GNB1L: variants seen among roughly 807,000 people sequenced by gnomAD.
GNB1L encodes the protein G protein subunit beta 1 like.
In GNB1L, 20 loss-of-function variants were observed where a neutral mutation model predicts 29.1. The ratio of observed to expected loss-of-function variants is 0.69; its 90% confidence interval spans 0.48 to 1.00. The LOEUF is 1.00. Ranked by LOEUF, GNB1L falls within the 50% of genes least tolerant of loss-of-function variation. The pLI, the probability that GNB1L is intolerant of heterozygous loss-of-function variation, is 0.00. For missense variants in GNB1L, 421 were observed against 464.9 expected, an observed-to-expected ratio of 0.91 and a Z score of 0.87; for synonymous variants, 193 against 206.5, an observed-to-expected ratio of 0.93 and a Z score of 0.56.
chr22:19,793,879 C>CA (rs1601319006), intron 7 of GNB1L, among the ~76,000 whole-genome samples: 1 of 151,940 alleles, frequency 6.6e-6, no homozygotes, highest in East Asian at 1.9e-4. Flanking sequence ...AATTGCACTA[C>CA]AAAAAAATGT....
intron 2 of GNB1L, chr22:19,852,152 ACC>A: frequency 6.2e-7 from 1 of 1,614,056 alleles, no homozygotes; most frequent in Non-Finnish European, 8.5e-7. Context: ...GGTGTATGCC[ACC>A]CCAGGAGACG....
chr22:19,821,409 G>A (rs1355571653), intron 2 of GNB1L, 34 bp from the exon 3 acceptor site: 22 of 1,592,198 alleles, frequency 1.4e-5, no homozygotes, highest in South Asian at 3.3e-5. Flanking sequence ...GAGTGACTGC[G>A]TCCCTATTCT....
chr22:19,812,200 G>T, intron 5 of GNB1L, 85 bp downstream of exon 5: 1 of 1,406,656 alleles, frequency 7.1e-7, no homozygotes, highest in Non-Finnish European at 9.6e-7. Flanking sequence ...AGTCCTGTGG[G>T]TAGGCGCAGG....
At chr22:19,800,196 C>T (rs1435748958) in intron 7 of GNB1L, among the ~76,000 whole-genome samples, 1 of 152,238 alleles carries the variant, frequency 6.6e-6, no homozygotes, top group Non-Finnish European at 1.5e-5. Flanking sequence ...CTGGAACATG[C>T]CCCATAAATT....
At chr22:19,837,763 G>T (rs1234904782) in intron 2 of GNB1L, among the ~76,000 whole-genome samples, 1 of 152,194 alleles carries the variant, frequency 6.6e-6, no homozygotes, top group Non-Finnish European at 1.5e-5. Context: ...TCCACACCTG[G>T]ATATATCCAT....
At chr22:19,795,870 G>A (rs1306509569) in intron 7 of GNB1L, among the ~76,000 whole-genome samples, 1 of 152,158 alleles carries the variant, frequency 6.6e-6, no homozygotes. Context: ...GAGGCCACCA[G>A]CACAGCCACC....
Position 19,788,854 on chromosome 22 carries a change from A to C in GNB1L, c.839T>G (p.Phe280Cys). 1 of 1,612,866 alleles carries C rather than the reference A, an allele frequency of 6.2e-7. No individual in the cohort carries two copies. The highest frequency in any genetic ancestry group is 8.5e-7 in the Non-Finnish European group (1 of 1,179,952). The stretch of plus-strand genomic sequence containing the variant: ...CAGTGGCTGCATCGTCCGCCAGTGG[A>C]ACACGCGGATGCGGTGGTCCCAGCC... ...TAGWDHRIRV[F>C]HWRTMQPLAV... Residue 280 changes from phenylalanine to cysteine, a missense_variant, in exon 8 of 8, where the codon TTC becomes TGC. Phe to Cys is a radical substitution (Grantham distance 205). Coordinates refer to ENST00000329517, the MANE Select transcript of GNB1L (RefSeq NM_053004.3).
In GNB1L at chr22:19,811,887, C is replaced by T. The variant is rs2073764; in HGVS notation, c.417+398G>A. Among the ~76,000 whole-genome samples, 1,170 of 152,190 alleles carry T rather than the reference C, an allele frequency of 7.7e-3. 23 individuals are homozygous for T. The South Asian group carries it at 0.086, about 11-fold the overall frequency. On this transcript the variant is annotated intron_variant, in intron 5 of 7. Transcript: ENST00000329517. ...TCTCCCACCGCCTCCTGCCAGCTGCCCCGGAGCGTTCCTCCCACTTGGGTC... is the reference window on the plus strand; with the variant it reads ...TCTCCCACCGCCTCCTGCCAGCTGCTCCGGAGCGTTCCTCCCACTTGGGTC...
At chr22:19,808,341 G>A (rs1262066324) in intron 5 of GNB1L, among the ~76,000 whole-genome samples, 3 of 152,182 alleles carry the variant, frequency 2.0e-5, no homozygotes, top group East Asian at 1.9e-4. Flanking sequence ...AGGGGCCCCC[G>A]GGGAACAAAC....
intron 2 of GNB1L, chr22:19,851,987 T>G: frequency 1.2e-6 from 2 of 1,614,162 alleles, no homozygotes; most frequent in Non-Finnish European, 1.7e-6. Context: ...GTCCACCCTG[T>G]GGGGTCGGGA....
At chr22:19,850,368 A>G in intron 2 of GNB1L, 1 of 986,774 alleles carries the variant, frequency 1.0e-6, no homozygotes, top group Non-Finnish European at 1.2e-6. Context: ...CTAGGGCTTA[A>G]GTGCTGAATC....
chr22:19,817,766 C>T (rs1008025610), intron 4 of GNB1L, among the ~76,000 whole-genome samples: 8 of 152,178 alleles, frequency 5.3e-5, no homozygotes, highest in African/African-American at 1.2e-4. Context: ...TTCAGAGGCT[C>T]GGGGGCCCTG....
intron 6 of GNB1L, 29 bp from the exon 7 acceptor site, chr22:19,802,245 C>T: frequency 1.9e-6 from 3 of 1,579,214 alleles, no homozygotes; most frequent in Non-Finnish European, 2.6e-6. Context: ...CAGTCAGCTC[C>T]TGGAAGGACC....
intron 5 of GNB1L, among the ~76,000 whole-genome samples, chr22:19,808,348 AAACAGAGC>A (rs978793329): frequency 3.8e-4 from 58 of 152,378 alleles, no homozygotes; most frequent in African/African-American, 1.4e-3. Context: ...CCCGGGGAAC[AAACAGAGC>A]AACATAATGA....
intron 4 of GNB1L, among the ~76,000 whole-genome samples, chr22:19,812,796 G>C (rs1937511439): frequency 6.6e-6 from 1 of 152,200 alleles, no homozygotes; most frequent in Non-Finnish European, 1.5e-5. Context: ...CAGGGTGCCA[G>C]GATCCCAGGA....
At chr22:19,849,428 G>A (rs2145904465) in intron 2 of GNB1L, 1 of 457,742 alleles carries the variant, frequency 2.2e-6, no homozygotes, top group South Asian at 9.4e-5. Context: ...GAGTGCAATG[G>A]CGTGATCTCG....
In GNB1L at chr22:19,820,597, C is replaced by G; in HGVS notation, c.254+1G>C. ...CTGGCTCCTGCACCTTGGAGACCCACCTGAGGAGCTGGCGCCCCTGGGGCA... is the reference window on the plus strand; with the variant it reads ...CTGGCTCCTGCACCTTGGAGACCCAGCTGAGGAGCTGGCGCCCCTGGGGCA... On this transcript the variant is annotated splice_donor_variant, in intron 4 of 7. Transcript: ENST00000329517. LOFTEE classifies it high-confidence loss of function. 1 of 1,611,544 alleles carries G rather than the reference C, an allele frequency of 6.2e-7. No homozygotes were observed. The highest frequency in any genetic ancestry group is 8.5e-7 in the Non-Finnish European group (1 of 1,179,204).
intron 4 of GNB1L, among the ~76,000 whole-genome samples, chr22:19,815,603 G>A (rs1283173521): frequency 6.6e-6 from 1 of 152,166 alleles, no homozygotes; most frequent in East Asian, 1.9e-4. Flanking sequence ...TTTTCTTTGA[G>A]ACAATATCTT....
chr22:19,801,018 A>T (rs1312467845), intron 7 of GNB1L, among the ~76,000 whole-genome samples: 1 of 152,146 alleles, frequency 6.6e-6, no homozygotes, highest in Non-Finnish European at 1.5e-5. Flanking sequence ...GGCCCGAGGA[A>T]TGCCCTCTCT....
Sources: allele counts gnomAD v4.1 joint callset (sites outside exome capture counted in the v4.1 genomes callset), GRCh38; gene constraint gnomAD v4.1.1; transcripts MANE v1.5; gene names NCBI Gene and HGNC (gene_info 2026-07-23, HGNC 2026-07-21).